Variants in UTP20 observed in about 807,000 individuals in gnomAD.
The protein encoded by UTP20 is UTP20 small subunit processome component.
UTP20 carries 164 observed loss-of-function variants against 329.5 expected under a neutral mutation model. The observed-to-expected ratio is 0.50, with a 90% CI of 0.44 to 0.57. The LOEUF (loss-of-function observed/expected upper bound fraction) is 0.57, where lower values mean the gene tolerates loss of function less well. UTP20 is among the 20% of genes least tolerant of loss of function. UTP20 has a pLI of 0.00. For missense variants in UTP20, 3,055 were observed against 3,284.2 expected, an observed-to-expected ratio of 0.93 and a Z score of 1.71; for synonymous variants, 1,151 against 1,159.3, an observed-to-expected ratio of 0.99 and a Z score of 0.14.
chr12:101,296,432 G>C (rs1010043674), intron 12 of UTP20, among the ~76,000 whole-genome samples: 3 of 152,160 alleles, frequency 2.0e-5, no homozygotes, highest in Non-Finnish European at 4.4e-5. Context: ...TTAGCCAGGC[G>C]TGGTGGCGGA....
At chr12:101,292,627 C>T (rs1872200006) in intron 10 of UTP20, among the ~76,000 whole-genome samples, 1 of 152,178 alleles carries the variant, frequency 6.6e-6, no homozygotes, top group South Asian at 2.1e-4. Context: ...CAGTCAGAAG[C>T]GGGGTTAAAA....
At chr12:101,326,073 G>T (rs980014102) in intron 25 of UTP20, among the ~76,000 whole-genome samples, 4 of 152,174 alleles carry the variant, frequency 2.6e-5, no homozygotes, top group African/African-American at 9.7e-5. Context: ...CATTCAAAGT[G>T]CAAGATAGAT....
At chr12:101,342,610 C>T in intron 33 of UTP20, 21 bp downstream of exon 33, 1 of 1,590,446 alleles carries the variant, frequency 6.3e-7, no homozygotes, top group South Asian at 1.2e-5. Context: ...TTCATTTTTA[C>T]TCCAAATCAC....
intron 50 of UTP20, 140 bp from the exon 51 acceptor site, chr12:101,370,918 C>A: frequency 1.4e-6 from 1 of 695,096 alleles, no homozygotes; most frequent in Non-Finnish European, 2.4e-6. Flanking sequence ...GTTCTTTGTG[C>A]TTAAGTGTCT....
Position 101,306,036 on chromosome 12 carries a change from C to T in UTP20, c.1903C>T (p.Gln635Ter). 1 of 1,613,188 alleles carries T rather than the reference C, an allele frequency of 6.2e-7. No individual in the cohort carries two copies. The highest frequency in any genetic ancestry group is 8.5e-7 in the Non-Finnish European group (1 of 1,179,532). Residue 635 changes from glutamine to a stop codon, truncating the protein, a stop_gained, in exon 16 of 62, where the codon CAA becomes TAA. Coordinates refer to ENST00000261637, the MANE Select transcript of UTP20 (RefSeq NM_014503.3). LOFTEE classifies it high-confidence loss of function. Reference protein sequence around the residue: ...EALMELFPKLQANISTGVSKI... With the variant: ...EALMELFPKL ...TTTAATGGAATTATTTCCCAAGTTA[C>T]AAGCAAACATTTCAACTGGTGTATC...
chr12:101,300,001 C>T lies in UTP20; in HGVS notation c.1615C>T (p.Leu539Phe). The change falls in exon 14 of 62, where the codon CTC becomes TTC. Residue 539 changes from leucine (L) to phenylalanine (F), a missense_variant. By Grantham distance (22) the Leu-to-Phe change is conservative (BLOSUM62 0). Around this residue, in one of 3 missense-constraint regions of UTP20, gnomAD observed 2,445 missense variants for 2,575.5 expected, o/e 0.95. Transcript: ENST00000261637. ...TCTTGAGAAAGAGAAGGTGATACCACTCGTCACCGGCTTCATAGAGGCACT... is the reference window on the plus strand; with the variant it reads ...TCTTGAGAAAGAGAAGGTGATACCATTCGTCACCGGCTTCATAGAGGCACT... ...RPLEKEKVIP[L>F]VTGFIEALFM... 6.2e-7 allele frequency: 1 copy of T among 1,614,204 alleles called. No individual in the cohort carries two copies. The highest frequency in any genetic ancestry group is 1.7e-5 in the Admixed American group (1 of 60,032).
intron 42 of UTP20, 85 bp from the exon 43 acceptor site, chr12:101,356,841 G>A (rs1184340125): frequency 6.7e-6 from 10 of 1,482,412 alleles, no homozygotes; most frequent in Middle Eastern, 1.8e-4. Flanking sequence ...TTTGAGTTAC[G>A]AGTAATTAAG....
rs1870578245 is a variant in UTP20 at position 101,379,526 on chromosome 12, A to G, written c.7552A>G (p.Ile2518Val). 1 of 1,613,668 alleles carries G rather than the reference A, an allele frequency of 6.2e-7. No homozygotes were observed. Among genetic ancestry groups the G allele is most frequent in the Non-Finnish European group, 8.5e-7 (1 of 1,179,752 alleles). Residue 2518 changes from isoleucine (I) to valine (V), a missense_variant, in exon 57 of 62, where the codon ATC becomes GTC. Coordinates refer to ENST00000261637, the MANE Select transcript of UTP20 (RefSeq NM_014503.3). ...AAAACACCTCCCAGAACCTGTAGCA[A>G]TCAAGTTCCTAGCCAGTGACCTTGA... ...TKKHLPEPVA[I>V]KFLASDLDQK...
chr12:101,377,325 C>G (rs148529213), intron 56 of UTP20, among the ~76,000 whole-genome samples: 8 of 152,150 alleles, frequency 5.3e-5, no homozygotes, highest in African/African-American at 9.6e-5. Flanking sequence ...TTCCCCAAAA[C>G]CCACATTATA....
At chr12:101,385,495 T>TA in intron 60 of UTP20, 88 bp from the exon 61 acceptor site, 1 of 1,452,730 alleles carries the variant, frequency 6.9e-7, no homozygotes. Flanking sequence ...TAGCTGGATA[T>TA]AAATGTTGTA....
intron 14 of UTP20, among the ~76,000 whole-genome samples, chr12:101,301,331 GAC>G (rs892345374): frequency 3.7e-5 from 5 of 134,722 alleles, no homozygotes; most frequent in Admixed American, 1.6e-4. Flanking sequence ...ACCAGCTTGG[GAC>G]ACATAGTGAG....
chr12:101,371,875 G>A, intron 51 of UTP20, among the ~76,000 whole-genome samples: 1 of 152,138 alleles, frequency 6.6e-6, no homozygotes, highest in East Asian at 1.9e-4. Flanking sequence ...AAATCCTTAG[G>A]GAGAGGAGTG....
intron 17 of UTP20, among the ~76,000 whole-genome samples, chr12:101,307,144 C>T (rs1159064336): frequency 2.7e-5 from 4 of 148,870 alleles, no homozygotes; most frequent in Admixed American, 6.7e-5. Flanking sequence ...CACCACTGCA[C>T]TCCAGCCTGG....
chr12:101,289,008 T>C lies in UTP20; in HGVS notation c.564T>C (p.Phe188=), dbSNP rs375949016. The C allele has an allele frequency of 4.2e-5, 68 of 1,613,858 alleles. No individual in the cohort carries two copies. In the Middle Eastern group the frequency reaches 8.2e-4, roughly 20 times the overall value. Residue 188 remains phenylalanine, a synonymous_variant, in exon 6 of 62, where the codon TTT becomes TTC. Transcript: ENST00000261637. ...ATAAAAAACTACATATAAGAAATTT[T>C]GCTGCTGAAAGTTTTACTTTTTTGA... ...LAHKKLHIRN[F]AAESFTFLMR...
intron 38 of UTP20, among the ~76,000 whole-genome samples, chr12:101,350,862 GCTCTGTGCAGCTTTC>G (rs920426486): frequency 1.3e-5 from 2 of 152,238 alleles, no homozygotes; most frequent in East Asian, 1.9e-4. Flanking sequence ...CTAGGGGCTT[GCTCTGTGCAGCTTTC>G]CTCTGTGCAG....
At chr12:101,384,393 T>C (rs1260271867) in intron 60 of UTP20, among the ~76,000 whole-genome samples, 4 of 152,054 alleles carry the variant, frequency 2.6e-5, no homozygotes, top group African/African-American at 9.7e-5. Flanking sequence ...ATACAAAAAT[T>C]AGCTGGGTGT....
chr12:101,371,056 A>G lies in UTP20; in HGVS notation c.6688-2A>G. 1 of 1,613,440 alleles carries G rather than the reference A, an allele frequency of 6.2e-7. No individual in the cohort carries two copies. Among genetic ancestry groups the G allele is most frequent in the Non-Finnish European group, 8.5e-7 (1 of 1,179,680 alleles). On this transcript the variant is annotated splice_acceptor_variant, in intron 50 of 61. Transcript: ENST00000261637. LOFTEE classifies it high-confidence loss of function. ...AGTATGTCTTTTCCTTTTGTATCTT[A>G]GGCAATTTTATCAAGAAAGCTGTTG... is the stretch of plus-strand genomic sequence containing the variant.
intron 17 of UTP20, among the ~76,000 whole-genome samples, chr12:101,307,152 T>C (rs1182383204): frequency 6.9e-6 from 1 of 144,748 alleles, no homozygotes; most frequent in African/African-American, 2.6e-5. Context: ...CACTCCAGCC[T>C]GGGCGACAGA....
intron 21 of UTP20, among the ~76,000 whole-genome samples, chr12:101,316,503 A>G (rs563365488): frequency 6.6e-6 from 1 of 152,354 alleles, no homozygotes. Context: ...TAAGTGCTAG[A>G]TTCTGCCAGA....
Sources: gnomAD v4.1 joint callset for allele counts (sites outside exome capture counted in the v4.1 genomes callset) on GRCh38, gnomAD v4.1.1 for gene constraint, gnomAD v4.1.1 regional missense constraint, MANE v1.5 for transcripts, NCBI Gene and HGNC (gene_info 2026-07-23, HGNC 2026-07-21) for gene names.